Variants in NUP58 observed in about 807,000 individuals in gnomAD.
The protein encoded by NUP58 is nucleoporin p58/p45.
In NUP58, 17 loss-of-function variants were observed where a neutral mutation model predicts 70.1. That is an observed-to-expected ratio of 0.24 (90% CI 0.17 to 0.36). The LOEUF (loss-of-function observed/expected upper bound fraction) is 0.36, where lower values mean the gene tolerates loss of function less well. Among genes scored for constraint, NUP58 ranks in the 10% least tolerant of loss-of-function variants. The pLI is 1.00. For missense variants in NUP58, 644 were observed against 701.5 expected (o/e 0.92, Z 0.93); for synonymous variants, 275 against 257.6 (o/e 1.07, Z -0.65).
At chr13:25,305,389 C>T (rs1329701546) in intron 1 of NUP58, among the ~76,000 whole-genome samples, 1 of 151,936 alleles carries the variant, frequency 6.6e-6, no homozygotes, top group East Asian at 1.9e-4. Flanking sequence ...AGGCTGGGCT[C>T]AAGCTTCTGG....
Position 25,339,986 on chromosome 13 carries a change from C to T in NUP58, c.1652C>T (p.Ser551Phe), listed in dbSNP as rs2031905992. The change falls in exon 16 of 16, where the codon TCT becomes TTT. Residue 551 changes from serine to phenylalanine, a missense_variant. Ser to Phe is a radical substitution (Grantham distance 155). This residue lies in a region of NUP58 where 132 missense variants were observed against 203.9 expected (regional missense o/e 0.65). Transcript: ENST00000381736. The part of the protein sequence containing the change: ...LSAGFGSSST[S>F]GFNFSNPGIT... The stretch of plus-strand genomic sequence containing the variant: ...TAAGGCTTTGGCAGCTCAAGTACAT[C>T]TGGGTTTAACTTCAGCAATCCTGGC... The T allele has an allele frequency of 6.2e-7, 1 of 1,606,578 alleles. No individual in the cohort carries two copies. The highest frequency in any genetic ancestry group is 8.5e-7 in the Non-Finnish European group (1 of 1,177,148).
At chr13:25,317,730 A>T (rs1265851918) in intron 6 of NUP58, 2 of 152,054 alleles carry the variant, frequency 1.3e-5, no homozygotes, top group African/African-American at 4.8e-5. Context: ...AGAGATACTA[A>T]ATATGAAAGA....
At chr13:25,319,469 G>A (rs2031087328) in intron 7 of NUP58, 119 bp downstream of exon 7, 2 of 806,622 alleles carry the variant, frequency 2.5e-6, no homozygotes, top group Non-Finnish European at 4.1e-6. Context: ...AAACTTTTTT[G>A]TAATGGTATT....
At chr13:25,336,878 A>G in intron 13 of NUP58, 58 bp from the exon 14 acceptor site, 2 of 1,061,650 alleles carry the variant, frequency 1.9e-6, no homozygotes, top group Non-Finnish European at 2.7e-6. Context: ...TTTAATCTTG[A>G]AAGAGTAAGG....
downstream of NUP58, among the ~76,000 whole-genome samples, chr13:25,343,826 T>C (rs147534972): frequency 0.078 from 10,009 of 127,532 alleles, 360 homozygotes; most frequent in Middle Eastern, 0.095. Flanking sequence ...TATATATATA[T>C]ACACATATAT....
At chr13:25,301,955 C>T (rs1353316865) in intron 1 of NUP58, 75 bp downstream of exon 1, 1 of 924,580 alleles carries the variant, frequency 1.1e-6, no homozygotes, top group African/African-American at 1.6e-5. Flanking sequence ...TTGGTGTCCC[C>T]ATCCTGTCTC....
At chr13:25,319,283 C>T (rs1421089565) in intron 6 of NUP58, 43 bp from the exon 7 acceptor site, 1 of 1,562,056 alleles carries the variant, frequency 6.4e-7, no homozygotes, top group East Asian at 2.2e-5. Flanking sequence ...GTATGTTGTT[C>T]AATTACCAAT....
intron 9 of NUP58, among the ~76,000 whole-genome samples, chr13:25,322,656 G>GT (rs1356474850): frequency 2.6e-5 from 4 of 152,128 alleles, no homozygotes; most frequent in Non-Finnish European, 5.9e-5. Flanking sequence ...TTAAATTTGG[G>GT]TTCTATCCCC....
chr13:25,321,188 T>A, intron 9 of NUP58, 95 bp downstream of exon 9: 2 of 1,078,192 alleles, frequency 1.9e-6, no homozygotes, highest in Non-Finnish European at 2.7e-6. Context: ...TTTTTAATTA[T>A]GAAATTTGAT....
chr13:25,327,447 C>T lies in NUP58; in HGVS notation c.1168C>T (p.Gln390Ter). 6.2e-7 allele frequency: 1 copy of T among 1,606,952 alleles called. No homozygotes were observed. The highest frequency in any genetic ancestry group is 8.5e-7 in the Non-Finnish European group (1 of 1,174,920). Residue 390 changes from glutamine (Q) to a stop codon, truncating the protein, a stop_gained, in exon 12 of 16, where the codon CAG becomes TAG. Coordinates refer to ENST00000381736, the MANE Select transcript of NUP58 (RefSeq NM_014089.4). LOFTEE classifies it high-confidence loss of function. ...TTTTATAGATTTGTCAATGGCTATGCAGAAAATTTATCAAACATTTGTAGC... is the reference window on the plus strand; with the variant it reads ...TTTTATAGATTTGTCAATGGCTATGTAGAAAATTTATCAAACATTTGTAGC... ...ITPQDLSMAM[Q>*]KIYQTFVALA...
At chr13:25,304,415 T>G (rs149383693) in intron 1 of NUP58, among the ~76,000 whole-genome samples, 1 of 149,190 alleles carries the variant, frequency 6.7e-6, no homozygotes, top group Non-Finnish European at 1.5e-5. Flanking sequence ...ATGTGTTTCT[T>G]TGGCAGTATT....
At chr13:25,306,466 G>C (rs563223610) in intron 1 of NUP58, among the ~76,000 whole-genome samples, 1 of 151,942 alleles carries the variant, frequency 6.6e-6, no homozygotes, top group South Asian at 2.1e-4. Context: ...GGAAATAGAG[G>C]CTCAGAAAGG....
At chr13:25,312,786 A>C (rs1010107856) in intron 3 of NUP58, 97 bp from the exon 4 acceptor site, 23 of 1,216,046 alleles carry the variant, frequency 1.9e-5, no homozygotes, top group African/African-American at 3.1e-5. Flanking sequence ...TAGTATCATG[A>C]ACTTTTAAGG....
chr13:25,304,573 A>G (rs1427192593), intron 1 of NUP58, among the ~76,000 whole-genome samples: 2 of 144,004 alleles, frequency 1.4e-5, no homozygotes, highest in African/African-American at 5.2e-5. Context: ...CTGGAGTGCA[A>G]TGGCGTGATC....
intron 12 of NUP58, 96 bp downstream of exon 12, chr13:25,327,608 T>A: frequency 1.5e-6 from 1 of 671,824 alleles, no homozygotes; most frequent in Non-Finnish European, 2.5e-6. Flanking sequence ...CAGAAATAGC[T>A]AAAATTACAT....
chr13:25,316,433 G>A (rs2030932055), intron 6 of NUP58, among the ~76,000 whole-genome samples: 1 of 116,450 alleles, frequency 8.6e-6, no homozygotes, highest in Non-Finnish European at 1.8e-5. Context: ...AATAGTATCT[G>A]TGTATCTATA....
chr13:25,337,082 A>C, intron 14 of NUP58, 48 bp downstream of exon 14: 1 of 1,345,018 alleles, frequency 7.4e-7, no homozygotes, highest in African/African-American at 1.5e-5. Context: ...ATATATTTGA[A>C]TTGATACTAG....
rs397851817 is a variant in NUP58 at position 25,328,395 on chromosome 13, C to CT, written c.1233+901dup. On this transcript the variant is annotated intron_variant, in intron 12 of 15. Coordinates refer to ENST00000381736, the MANE Select transcript of NUP58 (RefSeq NM_014089.4). The stretch of plus-strand genomic sequence containing the variant: ...CACTGAATATTTAGACTGACTCTCG[C>CT]TTTTTTTTTTTTTTTTTTGAGACAG... Among the ~76,000 whole-genome samples, 118 of 91,932 alleles carry CT rather than the reference C, an allele frequency of 1.3e-3. 4 individuals are homozygous for CT. Among genetic ancestry groups the CT allele is most frequent in the South Asian group, 3.9e-3 (9 of 2,306 alleles). The allele number at this position is 91,932 out of a possible 152,430, so 60.3% of individuals were successfully genotyped here.
Position 25,321,100 on chromosome 13 carries a change from C to T in NUP58, c.951+7C>T. The T allele has an allele frequency of 6.4e-7, 1 of 1,567,362 alleles. No homozygotes were observed. The stretch of plus-strand genomic sequence containing the variant: ...GAAAATAGAAACTGCTCAGGTATAC[C>T]AACTTATGGCCATTTTACCGTAGGG... On this transcript the variant is annotated splice_region_variant and intron_variant, in intron 9 of 15. Transcript: ENST00000381736.
Sources: gnomAD v4.1 joint callset for allele counts (sites outside exome capture counted in the v4.1 genomes callset) on GRCh38, gnomAD v4.1.1 for gene constraint, gnomAD v4.1.1 regional missense constraint, MANE v1.5 for transcripts, NCBI Gene and HGNC (gene_info 2026-07-23, HGNC 2026-07-21) for gene names.